The following ADGRA2 variants were observed in gnomAD, a reference collection of about 807,000 sequenced individuals.
ADGRA2 encodes the protein G-protein coupled receptor 124.
Under a neutral mutation model 98.7 loss-of-function variants are expected in ADGRA2, and 61 were observed. The ratio of observed to expected loss-of-function variants is 0.62; its 90% CI spans 0.50 to 0.76. ADGRA2 has a LOEUF of 0.76. Ranked by LOEUF, ADGRA2 falls within the 30% of genes least tolerant of loss-of-function variation. ADGRA2 has a pLI of 0.00. For synonymous variants in ADGRA2, 858 were observed against 831.5 expected (o/e 1.03, Z -0.55); for missense variants, 1,712 against 1,860.0 (o/e 0.92, Z 1.46).
Position 37,829,379 on chromosome 8 carries a change from G to A in ADGRA2, c.482+47G>A, listed in dbSNP as rs377326702. ...GGGGAGGGGAGGAGAGGGAAGAAGT[G>A]CATAGGAAGCAAAATGTGGCCCCCA... On this transcript the variant is annotated intron_variant, in intron 4 of 18. Coordinates refer to ENST00000412232, the MANE Select transcript of ADGRA2 (RefSeq NM_032777.10). 28 of 1,568,626 alleles carry A rather than the reference G, an allele frequency of 1.8e-5. No individual in the cohort carries two copies. In the African/African-American group the frequency reaches 3.2e-4, roughly 18 times the overall value.
chr8:37,806,526 CTTT>C (rs533491458), intron 1 of ADGRA2, among the ~76,000 whole-genome samples: 5 of 100,350 alleles, frequency 5.0e-5, no homozygotes, highest in Non-Finnish European at 3.7e-5. Flanking sequence ...TTTTCTTTTT[CTTT>C]TTTTTTTTTT....
chr8:37,825,011 C>T (rs1177086399), intron 2 of ADGRA2, among the ~76,000 whole-genome samples: 2 of 152,172 alleles, frequency 1.3e-5, no homozygotes, highest in East Asian at 1.9e-4. Context: ...AGGAATCCTC[C>T]CTCCACATCT....
At position 37,833,701 on chromosome 8, in the gene ADGRA2, C is replaced by T; in HGVS notation, c.1310C>T (p.Ala437Val). 6.2e-7 allele frequency: 1 copy of T among 1,614,102 alleles called. No homozygotes were observed. The highest frequency in any genetic ancestry group is 1.1e-5 in the South Asian group (1 of 91,068). The change falls in exon 10 of 19, where the codon GCC becomes GTC. Residue 437 changes from alanine (A) to valine (V), a missense_variant. Transcript: ENST00000412232. ...LYTFVLMPINASNALTLAHQL... is the reference protein window; with the variant it reads ...LYTFVLMPINVSNALTLAHQL... ...CCCAATCCCCAGATGCCCATCAATG[C>T]CTCCAATGCGCTGACCCTGGCTCAC...
intron 13 of ADGRA2, 91 bp downstream of exon 13, chr8:37,835,861 C>T (rs1805596388): frequency 1.3e-6 from 1 of 784,172 alleles, no homozygotes; most frequent in South Asian, 1.6e-5. Context: ...CCCACAGCCC[C>T]CCAGTGCCGT....
chr8:37,834,210 C>CAGCT lies in ADGRA2; in HGVS notation c.1608+86_1608+89dup. On this transcript the variant is annotated intron_variant, in intron 11 of 18. Coordinates refer to ENST00000412232, the MANE Select transcript of ADGRA2 (RefSeq NM_032777.10). This position sits in a 1 kb window ranked among gnomAD's most constrained non-coding sequence, Gnocchi z 4.2. ...TCTCAGGCGTGCACCTGCCGTGCCC[C>CAGCT]AGCTAGCAAGAGCAGCAGACGTGAC... 7.7e-7 allele frequency: 1 copy of CAGCT among 1,296,128 alleles called. No homozygotes were observed. Among genetic ancestry groups the CAGCT allele is most frequent in the East Asian group, 2.4e-5 (1 of 41,442 alleles). 80.3% of individuals were successfully genotyped at this position (1,296,128 alleles called of 1,614,324 possible).
Position 37,797,266 on chromosome 8 carries a change from T to C in ADGRA2, c.-3T>C, listed in dbSNP as rs1393827543. The C allele has an allele frequency of 4.7e-6, 6 of 1,279,830 alleles. No homozygotes were observed. Among genetic ancestry groups the C allele is most frequent in the Non-Finnish European group, 5.9e-6 (6 of 1,019,164 alleles). The allele number at this position is 1,279,830 out of a possible 1,614,324, so 79.3% of individuals were successfully genotyped here. A position where few individuals can be genotyped will look rare whatever the true frequency, so the allele number is the denominator to read the frequency against. On this transcript the variant is annotated 5_prime_UTR_variant, in exon 1 of 19. Transcript: ENST00000412232. The surrounding 1 kb of genome is among the most constrained non-coding windows in gnomAD (Gnocchi z 5.3). ...CTGTGGGTCCCCGCGGGGCGATGGG[T>C]TGATGGGCGCCGGGGGACGCAGGAT...
chr8:37,841,800 C>G lies in ADGRA2; in HGVS notation c.3462C>G (p.Gly1154=). 6.5e-7 allele frequency: 1 copy of G among 1,530,822 alleles called. No individual in the cohort carries two copies. Among genetic ancestry groups the G allele is most frequent in the Non-Finnish European group, 8.7e-7 (1 of 1,143,664 alleles). The allele number at this position is 1,530,822 out of a possible 1,614,324, so 94.8% of individuals were successfully genotyped here. A position where few individuals can be genotyped will look rare whatever the true frequency, so the allele number is the denominator to read the frequency against. The change falls in exon 19 of 19, where the codon GGC becomes GGG. Residue 1154 remains glycine, a synonymous_variant. Transcript: ENST00000412232. This position sits in a 1 kb window ranked among gnomAD's most constrained non-coding sequence, Gnocchi z 5.0. ...SQVCEAGAAA[G]GEGEPEPAGT... ...TGTGCGAGGCGGGGGCGGCGGCCGG[C>G]GGGGAAGGAGAGCCGGAGCCGGCGG... is the stretch of plus-strand genomic sequence containing the variant.
intron 2 of ADGRA2, among the ~76,000 whole-genome samples, chr8:37,825,291 C>T (rs1012595414): frequency 1.3e-5 from 2 of 151,950 alleles, no homozygotes; most frequent in Admixed American, 6.6e-5. Flanking sequence ...TCCAGGCTGG[C>T]GTGCAGCAGT....
chr8:37,812,539 A>T (rs547839078), intron 1 of ADGRA2, among the ~76,000 whole-genome samples: 86 of 152,288 alleles, frequency 5.6e-4, no homozygotes, highest in Non-Finnish European at 1.0e-4. Flanking sequence ...AGGCAGGAGA[A>T]TGGCGTGAGC....
chr8:37,811,316 C>T (rs184741621), intron 1 of ADGRA2, among the ~76,000 whole-genome samples: 95 of 142,674 alleles, frequency 6.7e-4, no homozygotes, highest in African/African-American at 2.4e-3. Context: ...ATTACAGGCG[C>T]CTGCCACCAC....
In ADGRA2 at chr8:37,833,005, C is replaced by G. The variant is rs375583297; in HGVS notation, c.1098-5C>G. 159 of 1,610,232 alleles carry G rather than the reference C, an allele frequency of 9.9e-5. No homozygotes were observed. Among genetic ancestry groups the G allele is most frequent in the Middle Eastern group, 2.0e-4 (1 of 5,104 alleles). On this transcript the variant is annotated splice_region_variant and splice_polypyrimidine_tract_variant and intron_variant, in intron 8 of 18. Transcript: ENST00000412232. ...TCATCGGCAACTTCCTGCCTCTCCC[C>G]CCAGGTGGCCCCGAACTCTGGCTGG...
At chr8:37,803,733 G>A in intron 1 of ADGRA2, among the ~76,000 whole-genome samples, 1 of 152,158 alleles carries the variant, frequency 6.6e-6, no homozygotes. Context: ...CTGGGAGCCA[G>A]GGATGTGTGC....
chr8:37,816,482 A>G (rs1425199448), intron 2 of ADGRA2, among the ~76,000 whole-genome samples: 1 of 147,112 alleles, frequency 6.8e-6, no homozygotes, highest in East Asian at 2.0e-4. Context: ...AATCCCAGCT[A>G]CTCGGGGGCT....
Position 37,814,051 on chromosome 8 carries a change from G to A in ADGRA2, c.267-845G>A, listed in dbSNP as rs200686339. ...GCCCAGGGCAGGCAAGAGTTTGGGC[G>A]GAGAGGCTCATTAAAGCTTTCTAAT... On this transcript the variant is annotated intron_variant, in intron 1 of 18. Coordinates refer to ENST00000412232, the MANE Select transcript of ADGRA2 (RefSeq NM_032777.10). The surrounding 1 kb of genome is among the most constrained non-coding windows in gnomAD (Gnocchi z 4.3). 7.2e-5 allele frequency among the ~76,000 whole-genome samples: 11 copies of A among 152,194 alleles called. No homozygotes were observed. Among genetic ancestry groups the A allele is most frequent in the South Asian group, 2.1e-4 (1 of 4,832 alleles).
intron 1 of ADGRA2, among the ~76,000 whole-genome samples, chr8:37,807,173 G>A (rs78620561): frequency 0.07 from 10,684 of 152,224 alleles, 856 homozygotes; most frequent in East Asian, 0.19. Flanking sequence ...CCTGACAAGC[G>A]TCCAGCCCAG....
At chr8:37,829,127 G>C (rs116035169) in intron 3 of ADGRA2, 134 bp from the exon 4 acceptor site, 19 of 823,766 alleles carry the variant, frequency 2.3e-5, no homozygotes, top group Non-Finnish European at 3.6e-5. Context: ...GTCCAGCTGC[G>C]GCCTGGCCCC....
chr8:37,811,151 A>G (rs1468718805), intron 1 of ADGRA2, among the ~76,000 whole-genome samples: 1 of 115,170 alleles, frequency 8.7e-6, no homozygotes, highest in South Asian at 2.7e-4. Flanking sequence ...GAACTTTTAT[A>G]CTGTGTGTGT....
Position 37,841,400 on chromosome 8 carries a change from C to A in ADGRA2, c.3062C>A (p.Ala1021Glu). 6.2e-7 allele frequency: 1 copy of A among 1,612,358 alleles called. No individual in the cohort carries two copies. Among genetic ancestry groups the A allele is most frequent in the Non-Finnish European group, 8.5e-7 (1 of 1,179,586 alleles). Reference protein sequence around the residue: ...SLYSPGVQLGALVTTHFLYLA... With the variant: ...SLYSPGVQLGELVTTHFLYLA... Reference sequence around the variant, plus strand: ...TATTCTCCGGGAGTCCAGCTAGGGGCGCTGGTGACCACGCACTTCCTGTAC... The same window carrying A: ...TATTCTCCGGGAGTCCAGCTAGGGGAGCTGGTGACCACGCACTTCCTGTAC... Residue 1021 changes from alanine (A) to glutamate (E), a missense_variant, in exon 19 of 19, where the codon GCG (alanine) becomes GAG (glutamate). By Grantham distance (107) the Ala-to-Glu change is moderately radical (BLOSUM62 -1). Transcript: ENST00000412232. The surrounding 1 kb of genome is among the most constrained non-coding windows in gnomAD (Gnocchi z 5.0).
intron 2 of ADGRA2, among the ~76,000 whole-genome samples, chr8:37,822,420 CTTT>C (rs1563344211): frequency 5.2e-4 from 71 of 135,656 alleles, no homozygotes; most frequent in African/African-American, 2.0e-3. Context: ...GTCACATGCT[CTTT>C]AACTCACATG....
Sources: gnomAD v4.1 joint callset for allele counts (sites outside exome capture counted in the v4.1 genomes callset) on GRCh38, gnomAD v4.1.1 for gene constraint, Gnocchi (gnomAD v3.1) non-coding constraint, MANE v1.5 for transcripts, NCBI Gene and HGNC (gene_info 2026-07-23, HGNC 2026-07-21) for gene names.